The following CNTLN variants were observed in gnomAD, a reference collection of about 807,000 sequenced individuals.
CNTLN encodes centlein.
In CNTLN, 212 loss-of-function variants were observed where a neutral mutation model predicts 180.0. The observed-to-expected ratio is 1.18, with a 90% confidence interval of 1.05 to 1.32. The LOEUF (loss-of-function observed/expected upper bound fraction) is 1.32. Ranked by LOEUF, CNTLN falls within the 40% of genes most tolerant of loss-of-function variation. The pLI is 0.00. For synonymous variants in CNTLN, 722 were observed against 563.1 expected (o/e 1.28, Z -3.99); for missense variants, 2,095 against 1,610.9 (o/e 1.30, Z -5.14).
chr9:17,265,395 T>G (rs1005383533), intron 5 of CNTLN, among the ~76,000 whole-genome samples: 1 of 152,196 alleles, frequency 6.6e-6, no homozygotes, highest in African/African-American at 2.4e-5. Flanking sequence ...TGAAGCCCAC[T>G]TGATCATGGT....
chr9:17,209,809 G>T (rs544994614), intron 2 of CNTLN, among the ~76,000 whole-genome samples: 1 of 152,258 alleles, frequency 6.6e-6, no homozygotes, highest in East Asian at 1.9e-4. Flanking sequence ...CAAGGTTTAG[G>T]AAGAGATTGA....
intron 6 of CNTLN, among the ~76,000 whole-genome samples, chr9:17,291,751 C>G (rs776999655): frequency 2.0e-5 from 3 of 152,168 alleles, no homozygotes; most frequent in Non-Finnish European, 4.4e-5. Context: ...AGTCTTGACT[C>G]TTTATCCAGC....
intron 13 of CNTLN, among the ~76,000 whole-genome samples, chr9:17,384,458 C>G (rs1252340082): frequency 6.6e-6 from 1 of 152,144 alleles, no homozygotes; most frequent in Non-Finnish European, 1.5e-5. Flanking sequence ...AGGCCTCCTG[C>G]CCAGGTAAAC....
chr9:17,466,746 C>G lies in CNTLN; in HGVS notation c.3710C>G (p.Thr1237Ser). ...CTCCTAGTATCAAGAATAAGTGAGA[C>G]TGAATCTGCAATGGCAGAAATTGAA... The part of the protein sequence containing the change: ...LTLLVSRISE[T>S]ESAMAEIETA... The change falls in exon 23 of 26, where the codon ACT becomes AGT. Residue 1237 changes from threonine (T) to serine (S), a missense_variant. By Grantham distance (58) the Thr-to-Ser change is moderately conservative. Coordinates refer to ENST00000380647, the MANE Select transcript of CNTLN (RefSeq NM_017738.4). The G allele has an allele frequency of 1.2e-6, 2 of 1,610,388 alleles. No individual in the cohort carries two copies. Among genetic ancestry groups the G allele is most frequent in the Non-Finnish European group, 1.7e-6 (2 of 1,177,654 alleles).
At chr9:17,136,572 G>A (rs1472468666) in intron 1 of CNTLN, among the ~76,000 whole-genome samples, 1 of 152,144 alleles carries the variant, frequency 6.6e-6, no homozygotes, top group Admixed American at 6.5e-5. Context: ...CTCGTGGTCC[G>A]CCAGCCTTGG....
chr9:17,292,426 C>G (rs1463552600), intron 6 of CNTLN, among the ~76,000 whole-genome samples: 1 of 152,210 alleles, frequency 6.6e-6, no homozygotes, highest in Non-Finnish European at 1.5e-5. Flanking sequence ...CTCCCCATCT[C>G]TTTCAGGTAT....
intron 6 of CNTLN, among the ~76,000 whole-genome samples, chr9:17,274,685 GATAA>G (rs1828196649): frequency 6.6e-6 from 1 of 152,100 alleles, no homozygotes; most frequent in African/African-American, 2.4e-5. Context: ...AAAACTAAGT[GATAA>G]ATAAATGATG....
chr9:17,435,762 C>T (rs1564104324), intron 18 of CNTLN, among the ~76,000 whole-genome samples: 1 of 152,072 alleles, frequency 6.6e-6, no homozygotes, highest in Non-Finnish European at 1.5e-5. Context: ...AGGGTTTCAC[C>T]ACGTTGGCCA....
intron 13 of CNTLN, among the ~76,000 whole-genome samples, chr9:17,377,257 A>G (rs1312913623): frequency 6.6e-6 from 1 of 152,164 alleles, no homozygotes; most frequent in Non-Finnish European, 1.5e-5. Flanking sequence ...GATAAAATTC[A>G]AAGTATTACT....
chr9:17,219,982 C>G (rs994584692), intron 2 of CNTLN, among the ~76,000 whole-genome samples: 1 of 151,964 alleles, frequency 6.6e-6, no homozygotes, highest in African/African-American at 2.4e-5. Context: ...AGGCCTACCT[C>G]CAAATACTAT....
At chr9:17,241,002 G>A (rs999826316) in intron 5 of CNTLN, among the ~76,000 whole-genome samples, 1 of 152,130 alleles carries the variant, frequency 6.6e-6, no homozygotes, top group African/African-American at 2.4e-5. Flanking sequence ...GGGACTACAG[G>A]CGCCCGGCAC....
intron 18 of CNTLN, among the ~76,000 whole-genome samples, chr9:17,439,604 G>T (rs1829989426): frequency 6.6e-6 from 1 of 152,166 alleles, no homozygotes; most frequent in Non-Finnish European, 1.5e-5. Context: ...ATTAGAAGAA[G>T]TCTAAGAATC....
In CNTLN at chr9:17,394,553, G is replaced by T; in HGVS notation, c.2099G>T (p.Arg700Leu). Residue 700 changes from arginine (R) to leucine (L), a missense_variant, in exon 15 of 26, where the codon CGG (arginine) becomes CTG (leucine). Arg to Leu is a moderately radical substitution (Grantham distance 102). Transcript: ENST00000380647. ...TLQKVTELEN[R>L]LKSFEKRSRK... ...CTTTAGGTCACTGAGTTGGAAAATC[G>T]GCTGAAATCTTTTGAGAAAAGGTCG... 1 of 1,577,586 alleles carries T rather than the reference G, an allele frequency of 6.3e-7. No homozygotes were observed. The highest frequency in any genetic ancestry group is 1.2e-5 in the South Asian group (1 of 83,772).
chr9:17,257,451 C>A (rs559341578), intron 5 of CNTLN, among the ~76,000 whole-genome samples: 1 of 151,990 alleles, frequency 6.6e-6, no homozygotes, highest in Non-Finnish European at 1.5e-5. Flanking sequence ...GTGCATGTGT[C>A]TTTATAGCAG....
At chr9:17,451,129 T>C (rs1444049814) in intron 18 of CNTLN, among the ~76,000 whole-genome samples, 1 of 152,174 alleles carries the variant, frequency 6.6e-6, no homozygotes, top group Non-Finnish European at 1.5e-5. Context: ...AAAAGTATAA[T>C]ATTCTCAATA....
intron 6 of CNTLN, among the ~76,000 whole-genome samples, chr9:17,281,606 G>A (rs1188124320): frequency 1.4e-4 from 22 of 152,098 alleles, no homozygotes; most frequent in Non-Finnish European, 1.0e-4. Flanking sequence ...TCCCTGCAAA[G>A]GACATCATCT....
intron 5 of CNTLN, among the ~76,000 whole-genome samples, chr9:17,271,577 G>A (rs1285798546): frequency 6.6e-6 from 1 of 152,112 alleles, no homozygotes; most frequent in Admixed American, 6.5e-5. Context: ...TCCACCAGAA[G>A]CTGACATTTG....
At chr9:17,356,672 T>C (rs1266910909) in intron 12 of CNTLN, among the ~76,000 whole-genome samples, 1 of 152,190 alleles carries the variant, frequency 6.6e-6, no homozygotes, top group Non-Finnish European at 1.5e-5. Flanking sequence ...CTTTGTTACT[T>C]CAATAAATAT....
intron 5 of CNTLN, among the ~76,000 whole-genome samples, chr9:17,252,307 AT>A (rs1199240633): frequency 2.0e-5 from 3 of 151,812 alleles, no homozygotes; most frequent in African/African-American, 7.2e-5. Flanking sequence ...TTTTTGAGAA[AT>A]TTCCATACTC....
Sources: allele counts gnomAD v4.1 joint callset (sites outside exome capture counted in the v4.1 genomes callset), GRCh38; gene constraint gnomAD v4.1.1; transcripts MANE v1.5; gene names NCBI Gene and HGNC (gene_info 2026-07-23, HGNC 2026-07-21).